Variants in DROSHA observed in about 807,000 individuals in gnomAD.
DROSHA encodes the protein ribonuclease 3.
In DROSHA, 56 loss-of-function variants were observed where a neutral mutation model predicts 181.9. The observed-to-expected ratio is 0.31, with a 90% confidence interval of 0.25 to 0.38. The LOEUF is 0.38. DROSHA is among the 10% of genes least tolerant of loss of function. The pLI, the probability that DROSHA is intolerant of heterozygous loss-of-function variation, is 1.00. For synonymous variants in DROSHA, 524 were observed against 591.2 expected, an observed-to-expected ratio of 0.89 and a Z score of 1.65; for missense variants, 1,218 against 1,743.5, an observed-to-expected ratio of 0.70 and a Z score of 5.37.
chr5:31,457,364 A>G (rs887517217), intron 20 of DROSHA, among the ~76,000 whole-genome samples: 1 of 152,058 alleles, frequency 6.6e-6, no homozygotes, highest in Admixed American at 6.6e-5. Flanking sequence ...ACCTCAGGTG[A>G]TCTGCCCACC....
intron 22 of DROSHA, 76 bp from the exon 23 acceptor site, chr5:31,448,683 A>C: frequency 1.8e-6 from 2 of 1,090,010 alleles, no homozygotes; most frequent in South Asian, 2.8e-5. Context: ...ACAGTAGAAA[A>C]AAATTATCTC....
chr5:31,490,573 T>C (rs987869470), intron 13 of DROSHA, among the ~76,000 whole-genome samples: 2 of 152,218 alleles, frequency 1.3e-5, no homozygotes, highest in Non-Finnish European at 2.9e-5. Context: ...TCTCCCAGAA[T>C]GCTCTATACT....
intron 5 of DROSHA, among the ~76,000 whole-genome samples, chr5:31,523,211 C>G (rs150771682): frequency 2.0e-5 from 3 of 152,320 alleles, no homozygotes; most frequent in African/African-American, 7.2e-5. Flanking sequence ...TAATTAATAT[C>G]CCAAAGGGAG....
intron 14 of DROSHA, 47 bp downstream of exon 14, chr5:31,486,444 A>G (rs558009347): frequency 3.1e-6 from 5 of 1,594,016 alleles, no homozygotes; most frequent in Admixed American, 1.7e-5. Context: ...GTATGGAACA[A>G]GCAAAAGAGC....
chr5:31,524,716 T>G (rs925727024), intron 5 of DROSHA, among the ~76,000 whole-genome samples: 7 of 152,202 alleles, frequency 4.6e-5, no homozygotes, highest in Non-Finnish European at 8.8e-5. Context: ...GCATATAACT[T>G]CAGAGTATTT....
At chr5:31,419,134 G>A (rs1040523094) in intron 30 of DROSHA, among the ~76,000 whole-genome samples, 3 of 152,152 alleles carry the variant, frequency 2.0e-5, no homozygotes, top group Non-Finnish European at 2.9e-5. Context: ...GGAAACCCAG[G>A]AAAGTGCACC....
chr5:31,401,613 T>C, intron 35 of DROSHA, 51 bp from the exon 36 acceptor site: 2 of 1,197,998 alleles, frequency 1.7e-6, no homozygotes, highest in Non-Finnish European at 2.1e-6. Flanking sequence ...TTTAATAATC[T>C]AGTGCAAAGA....
Position 31,526,384 on chromosome 5 carries a change from A to T in DROSHA, c.549T>A (p.Asn183Lys). Residue 183 changes from asparagine to lysine, a missense_variant, in exon 5 of 36, where the codon AAT (asparagine) becomes AAA (lysine). Transcript: ENST00000344624. ...AAGAACTAGGGTTGTTCTGGAAACT[A>T]TTAAAACTGGGAGGTGGGAAGTTGT... is the stretch of plus-strand genomic sequence containing the variant. ...SHHNFPPPSF[N>K]SFQNNPSSFL... 1 of 1,613,276 alleles carries T rather than the reference A, an allele frequency of 6.2e-7. No individual in the cohort carries two copies. The highest frequency in any genetic ancestry group is 8.5e-7 in the Non-Finnish European group (1 of 1,179,758).
chr5:31,490,872 C>T (rs1752319193), intron 13 of DROSHA, among the ~76,000 whole-genome samples: 1 of 151,904 alleles, frequency 6.6e-6, no homozygotes, highest in African/African-American at 2.4e-5. Context: ...TAGGGTTTGT[C>T]ATAGAATAAA....
At chr5:31,483,658 A>G (rs753331890) in intron 15 of DROSHA, 30 bp from the exon 16 acceptor site, 11 of 1,568,512 alleles carry the variant, frequency 7.0e-6, no homozygotes, top group South Asian at 2.4e-5. Flanking sequence ...AAAAAAAAAA[A>G]AAAAGAAAAC....
chr5:31,411,626 C>T lies in DROSHA; in HGVS notation c.3526-739G>A, dbSNP rs904403470. Reference sequence around the variant, plus strand: ...CTAGCTTGAGTCTCAGTTTTTCATACTGATATCCTTTTTTTTGAGACAGGC... The same window carrying T: ...CTAGCTTGAGTCTCAGTTTTTCATATTGATATCCTTTTTTTTGAGACAGGC... On this transcript the variant is annotated intron_variant, in intron 30 of 35. Transcript: ENST00000344624. This position sits in a 1 kb window ranked among gnomAD's most constrained non-coding sequence, Gnocchi z 4.2. Among the ~76,000 whole-genome samples, 3 of 151,902 alleles carry T rather than the reference C, an allele frequency of 2.0e-5. No individual in the cohort carries two copies. Among genetic ancestry groups the T allele is most frequent in the African/African-American group, 7.3e-5 (3 of 41,358 alleles).
chr5:31,429,751 A>C (rs955527544), intron 26 of DROSHA, among the ~76,000 whole-genome samples: 11 of 152,208 alleles, frequency 7.2e-5, no homozygotes, highest in African/African-American at 2.7e-4. Context: ...TATGAAATTC[A>C]ATTTACTAAC....
At position 31,479,624 on chromosome 5, in the gene DROSHA, AT is replaced by A. The variant is rs549206679; in HGVS notation, c.2071+3929del. Among the ~76,000 whole-genome samples the A allele has an allele frequency of 1.7e-3, 254 of 152,272 alleles. 1 individual carries two copies. Among genetic ancestry groups the A allele is most frequent in the Non-Finnish European group, 2.7e-3 (185 of 67,988 alleles). ...AAATTGGACTACATAAAAATTAAGAATTTCTATTCAACAAAAATCATCAAGA... is the reference window on the plus strand; with the variant it reads ...AAATTGGACTACATAAAAATTAAGAATTCTATTCAACAAAAATCATCAAGA... On this transcript the variant is annotated intron_variant, in intron 16 of 35. Transcript: ENST00000344624.
At chr5:31,483,171 T>C (rs1352535277) in intron 16 of DROSHA, among the ~76,000 whole-genome samples, 1 of 152,206 alleles carries the variant, frequency 6.6e-6, no homozygotes, top group African/African-American at 2.4e-5. Context: ...TCCTACTACC[T>C]TAATGTAACT....
At chr5:31,487,547 C>T (rs182932426) in intron 13 of DROSHA, among the ~76,000 whole-genome samples, 6 of 152,270 alleles carry the variant, frequency 3.9e-5, no homozygotes, top group East Asian at 3.9e-4. Context: ...GTCCCAGAGA[C>T]GCGTTAACTG....
chr5:31,480,004 T>C (rs1580238016), intron 16 of DROSHA, among the ~76,000 whole-genome samples: 1 of 151,728 alleles, frequency 6.6e-6, no homozygotes, highest in African/African-American at 2.4e-5. Flanking sequence ...TTTTTCTTTG[T>C]CAATTTAGCC....
At chr5:31,424,616 ATT>A in intron 27 of DROSHA, 145 bp from the exon 28 acceptor site, 4 of 940,838 alleles carry the variant, frequency 4.3e-6, no homozygotes, top group Non-Finnish European at 4.5e-6. Context: ...TGGCAAACTA[ATT>A]TTTTTTTTAA....
rs1247513396 is a variant in DROSHA at position 31,448,659 on chromosome 5, AG to A, written c.2822-53del. 2.3e-5 allele frequency: 33 copies of A among 1,409,380 alleles called. No homozygotes were observed. In the East Asian group the frequency reaches 7.3e-4, roughly 31 times the overall value. 87.3% of individuals were successfully genotyped at this position (1,409,380 alleles called of 1,614,324 possible). A position where few individuals can be genotyped will look rare whatever the true frequency, so the allele number is the denominator to read the frequency against. On this transcript the variant is annotated intron_variant, in intron 22 of 35. Transcript: ENST00000344624. ...AAGTAAATACGGATAGAAGAATTAT[AG>A]GACCATCATATTACAGTAGAAAAAA...
At chr5:31,503,815 GAGC>G (rs1461692046) in intron 11 of DROSHA, among the ~76,000 whole-genome samples, 6 of 152,178 alleles carry the variant, frequency 3.9e-5, no homozygotes, top group Admixed American at 6.5e-5. Context: ...AAAGACAAAT[GAGC>G]AGAAGTGATG....
Sources: allele counts gnomAD v4.1 joint callset (sites outside exome capture counted in the v4.1 genomes callset), GRCh38; gene constraint gnomAD v4.1.1; non-coding constraint Gnocchi (gnomAD v3.1); transcripts MANE v1.5; gene names NCBI Gene and HGNC (gene_info 2026-07-23, HGNC 2026-07-21).